The following PIBF1 variants were observed in gnomAD, a reference collection of about 807,000 sequenced individuals.
PIBF1 encodes the protein progesterone immunomodulatory binding factor 1.
Under a neutral mutation model 112.5 loss-of-function variants are expected in PIBF1, and 90 were observed. That is an observed-to-expected ratio of 0.80 (90% CI 0.67 to 0.95). The LOEUF (loss-of-function observed/expected upper bound fraction) is 0.95, where lower values mean the gene tolerates loss of function less well. PIBF1 is among the 40% of genes least tolerant of loss of function. The pLI is 0.00. For synonymous variants in PIBF1, 301 were observed against 288.6 expected (o/e 1.04, Z -0.44); for missense variants, 915 against 852.3 (o/e 1.07, Z -0.92).
At chr13:72,928,008 T>TATATATACATATATATATAC (rs2041570370) in intron 13 of PIBF1, among the ~76,000 whole-genome samples, 1 of 68,942 alleles carries the variant, frequency 1.5e-5, no homozygotes, top group Non-Finnish European at 2.6e-5. Context: ...TATATATACA[T>TATATATACATATATATATAC]ATATATACAT....
In PIBF1 at chr13:72,783,446, G is replaced by T. The variant is rs2034409786; in HGVS notation, c.-24G>T. ...AGAATATTAAAATCAAATTAGAGAA[G>T]AAAACTGATCCATAATAATAAAAAT... On this transcript the variant is annotated 5_prime_UTR_variant, in exon 2 of 18. Transcript: ENST00000326291. The T allele has an allele frequency of 6.7e-7, 1 of 1,489,036 alleles. No individual in the cohort carries two copies. The highest frequency in any genetic ancestry group is 9.2e-7 in the Non-Finnish European group (1 of 1,083,508). The allele number at this position is 1,489,036 out of a possible 1,614,324, so 92.2% of individuals were successfully genotyped here.
At chr13:72,934,140 T>C (rs1455854922) in intron 14 of PIBF1, among the ~76,000 whole-genome samples, 2 of 152,206 alleles carry the variant, frequency 1.3e-5, no homozygotes, top group Admixed American at 1.3e-4. Flanking sequence ...TTTACTTTTT[T>C]CTGCTTTACA....
intron 14 of PIBF1, among the ~76,000 whole-genome samples, chr13:72,931,718 GTATATATATATA>G (rs3077704): frequency 8.8e-5 from 9 of 101,978 alleles, no homozygotes; most frequent in South Asian, 3.9e-4. Flanking sequence ...TTTAAACTAC[GTATATATATATA>G]TATATATATA....
intron 2 of PIBF1, 51 bp downstream of exon 2, chr13:72,783,772 G>T (rs777694683): frequency 6.6e-7 from 1 of 1,508,702 alleles, no homozygotes; most frequent in African/African-American, 1.4e-5. Flanking sequence ...GTCTTCAAAC[G>T]GCAGGTAAAT....
At chr13:72,868,573 A>G (rs897590259) in intron 10 of PIBF1, among the ~76,000 whole-genome samples, 3 of 152,334 alleles carry the variant, frequency 2.0e-5, no homozygotes, top group Admixed American at 6.5e-5. Context: ...AAACATGTCT[A>G]TTCTTTTGTG....
intron 7 of PIBF1, 51 bp from the exon 8 acceptor site, chr13:72,827,682 A>T: frequency 9.2e-7 from 1 of 1,081,270 alleles, no homozygotes; most frequent in Non-Finnish European, 1.3e-6. Context: ...GTCAAGCTTG[A>T]AAAGTAAGAT....
intron 15 of PIBF1, among the ~76,000 whole-genome samples, chr13:72,966,326 C>G (rs535847016): frequency 2.0e-5 from 3 of 152,222 alleles, no homozygotes; most frequent in African/African-American, 7.2e-5. Flanking sequence ...AATAATTGGT[C>G]TAGAACTTTA....
intron 11 of PIBF1, among the ~76,000 whole-genome samples, chr13:72,904,123 A>G (rs2040597743): frequency 6.6e-6 from 1 of 151,820 alleles, no homozygotes; most frequent in African/African-American, 2.4e-5. Context: ...CAGATCCCAT[A>G]ATAGTGTGCC....
intron 9 of PIBF1, among the ~76,000 whole-genome samples, chr13:72,837,048 GTATTA>G (rs1415780426): frequency 1.3e-5 from 2 of 151,524 alleles, no homozygotes; most frequent in African/African-American, 2.4e-5. Flanking sequence ...TTATAATCTA[GTATTA>G]TATTTTCAAT....
At chr13:72,956,583 T>G (rs1273445414) in intron 14 of PIBF1, among the ~76,000 whole-genome samples, 1 of 152,186 alleles carries the variant, frequency 6.6e-6, no homozygotes, top group African/African-American at 2.4e-5. Flanking sequence ...ATTATGGATA[T>G]TCTAGAAATT....
chr13:72,934,971 TTGTC>T (rs1423873875), intron 14 of PIBF1, among the ~76,000 whole-genome samples: 15 of 152,002 alleles, frequency 9.9e-5, no homozygotes, highest in East Asian at 3.9e-4. Flanking sequence ...GTTAGTTTGT[TTGTC>T]TGTCTGTTTG....
chr13:72,824,442 A>C (rs1198305125), intron 6 of PIBF1, among the ~76,000 whole-genome samples: 1 of 152,212 alleles, frequency 6.6e-6, no homozygotes, highest in Non-Finnish European at 1.5e-5. Context: ...AGTCCATTGA[A>C]TAGAATAAGA....
chr13:72,941,048 G>T (rs1241356043), intron 14 of PIBF1, among the ~76,000 whole-genome samples: 1 of 152,118 alleles, frequency 6.6e-6, no homozygotes, highest in African/African-American at 2.4e-5. Flanking sequence ...CTTAACTCAG[G>T]GAATTTGACA....
At chr13:72,913,575 C>G (rs567896225) in intron 12 of PIBF1, among the ~76,000 whole-genome samples, 2 of 152,192 alleles carry the variant, frequency 1.3e-5, no homozygotes, top group East Asian at 1.9e-4. Context: ...CCCAGAAGTT[C>G]AAGGCCAGCC....
chr13:72,842,066 T>C (rs2037635165), intron 9 of PIBF1, among the ~76,000 whole-genome samples: 1 of 152,228 alleles, frequency 6.6e-6, no homozygotes, highest in Non-Finnish European at 1.5e-5. Flanking sequence ...TAACCAGTTT[T>C]CTTAAATGAC....
At chr13:72,984,828 T>G (rs999202900) in intron 16 of PIBF1, among the ~76,000 whole-genome samples, 2 of 152,210 alleles carry the variant, frequency 1.3e-5, no homozygotes, top group African/African-American at 4.8e-5. Flanking sequence ...CAGTTCAGTC[T>G]TGTGTGACCC....
chr13:72,927,646 T>G (rs1403529008), intron 13 of PIBF1, among the ~76,000 whole-genome samples: 1 of 151,356 alleles, frequency 6.6e-6, no homozygotes, highest in Non-Finnish European at 1.5e-5. Context: ...CTTGGCCTAA[T>G]TTTTTTTTAC....
intron 11 of PIBF1, among the ~76,000 whole-genome samples, chr13:72,897,517 G>T (rs115198824): frequency 6.6e-6 from 1 of 152,124 alleles, no homozygotes; most frequent in Admixed American, 6.6e-5. Flanking sequence ...TAAAAAAGGT[G>T]CAGAACTACA....
chr13:72,874,372 T>G (rs963546089), intron 10 of PIBF1, among the ~76,000 whole-genome samples: 2 of 152,182 alleles, frequency 1.3e-5, no homozygotes, highest in African/African-American at 4.8e-5. Context: ...AAATTTGAGT[T>G]TACACATGCC....
Sources: gnomAD v4.1 joint callset for allele counts (sites outside exome capture counted in the v4.1 genomes callset) on GRCh38, gnomAD v4.1.1 for gene constraint, MANE v1.5 for transcripts, NCBI Gene and HGNC (gene_info 2026-07-23, HGNC 2026-07-21) for gene names.